IMMP2L: variants seen among roughly 807,000 people sequenced by gnomAD.
IMMP2L encodes mitochondrial inner membrane protease subunit 2.
A neutral mutation model predicts 19.3 loss-of-function variants in IMMP2L; 18 were observed. The observed-to-expected ratio is 0.93, with a 90% confidence interval of 0.64 to 1.38. The LOEUF is 1.38. IMMP2L is among the 40% of genes most tolerant of loss of function. The pLI is 0.00. For synonymous variants in IMMP2L, 76 were observed against 73.0 expected, an observed-to-expected ratio of 1.04 and a Z score of -0.21; for missense variants, 233 against 218.2, an observed-to-expected ratio of 1.07 and a Z score of -0.43.
intron 2 of IMMP2L, 102 bp downstream of exon 2, chr7:111,521,211 C>T (rs1484733835): frequency 1.6e-6 from 2 of 1,271,892 alleles, no homozygotes; most frequent in Non-Finnish European, 2.2e-6. Flanking sequence ...TTTTTATAAC[C>T]TTTCAGTTCC....
intron 5 of IMMP2L, among the ~76,000 whole-genome samples, chr7:110,681,833 A>C (rs1219218565): frequency 6.6e-6 from 1 of 152,100 alleles, no homozygotes; most frequent in Non-Finnish European, 1.5e-5. Context: ...TGAGTAATTC[A>C]AGCCATTGAA....
chr7:111,334,322 T>C (rs1826182468), intron 3 of IMMP2L, among the ~76,000 whole-genome samples: 1 of 152,054 alleles, frequency 6.6e-6, no homozygotes, highest in South Asian at 2.1e-4. Flanking sequence ...TATATTTGCC[T>C]TTCTGTGCTT....
intron 5 of IMMP2L, among the ~76,000 whole-genome samples, chr7:110,805,636 A>G (rs1801582096): frequency 6.6e-6 from 1 of 152,044 alleles, no homozygotes; most frequent in African/African-American, 2.4e-5. Context: ...TTTATGAGCA[A>G]TTGTGTCAAG....
chr7:111,372,326 T>C (rs555864122), intron 3 of IMMP2L, among the ~76,000 whole-genome samples: 23 of 152,146 alleles, frequency 1.5e-4, no homozygotes, highest in African/African-American at 5.3e-4. Context: ...AAGAAAACTT[T>C]GGAATAATAC....
Position 111,372,772 on chromosome 7 carries a change from A to T in IMMP2L, c.239+114466T>A, listed in dbSNP as rs117650557. Among the ~76,000 whole-genome samples, 1,322 of 152,200 alleles carry T rather than the reference A, an allele frequency of 8.7e-3. 9 individuals carry two copies. The highest frequency in any genetic ancestry group is 0.014 in the Middle Eastern group (4 of 294). ...AACATAATGTATGAGCAAGGATGATAAGAAACACTAGTTTTGCACTAGCAA... is the reference window on the plus strand; with the variant it reads ...AACATAATGTATGAGCAAGGATGATTAGAAACACTAGTTTTGCACTAGCAA... On this transcript the variant is annotated intron_variant, in intron 3 of 5. Coordinates refer to ENST00000405709, the MANE Select transcript of IMMP2L (RefSeq NM_032549.4).
intron 3 of IMMP2L, chr7:111,392,142 AC>A (rs1832419705): frequency 1.6e-6 from 1 of 607,992 alleles, no homozygotes; most frequent in Non-Finnish European, 2.9e-6. Flanking sequence ...ACAACAACAT[AC>A]TTTTAGCCCC....
At chr7:110,957,117 A>T (rs1337985952) in intron 4 of IMMP2L, among the ~76,000 whole-genome samples, 2 of 151,964 alleles carry the variant, frequency 1.3e-5, no homozygotes, top group African/African-American at 4.8e-5. Context: ...TAGCTATGAG[A>T]TCCAGAGAAT....
chr7:110,965,201 C>A (rs1437525601), intron 3 of IMMP2L, among the ~76,000 whole-genome samples: 1 of 151,972 alleles, frequency 6.6e-6, no homozygotes, highest in Admixed American at 6.6e-5. Context: ...ATGCATCACA[C>A]AAATGATCAT....
At chr7:110,938,946 A>T (rs2129552720) in intron 4 of IMMP2L, among the ~76,000 whole-genome samples, 1 of 152,282 alleles carries the variant, frequency 6.6e-6, no homozygotes, top group East Asian at 1.9e-4. Flanking sequence ...AATAGTACAG[A>T]TTCTGCAACT....
intron 1 of IMMP2L, among the ~76,000 whole-genome samples, chr7:111,533,995 A>G (rs747071498): frequency 1.1e-4 from 17 of 152,060 alleles, no homozygotes; most frequent in Admixed American, 3.9e-4. Flanking sequence ...AGAGAAAGGT[A>G]TTTCACTGAA....
intron 3 of IMMP2L, among the ~76,000 whole-genome samples, chr7:111,040,292 T>C (rs1258039245): frequency 6.6e-6 from 1 of 152,242 alleles, no homozygotes; most frequent in African/African-American, 2.4e-5. Context: ...CTAAATTCTT[T>C]AAATAGATAT....
At chr7:110,774,101 C>A (rs1799223041) in intron 5 of IMMP2L, among the ~76,000 whole-genome samples, 1 of 151,974 alleles carries the variant, frequency 6.6e-6, no homozygotes, top group Non-Finnish European at 1.5e-5. Context: ...AAGGGTGCCA[C>A]ATTAAAATAT....
At chr7:110,874,804 T>G (rs1238958172) in intron 5 of IMMP2L, among the ~76,000 whole-genome samples, 1 of 152,086 alleles carries the variant, frequency 6.6e-6, no homozygotes, top group Non-Finnish European at 1.5e-5. Context: ...AAAAAATATA[T>G]TGACTCACAG....
chr7:110,834,891 G>C (rs1804298364), intron 5 of IMMP2L, among the ~76,000 whole-genome samples: 1 of 152,074 alleles, frequency 6.6e-6, no homozygotes, highest in African/African-American at 2.4e-5. Context: ...TCATGAAATA[G>C]GTGCTTTTTC....
intron 3 of IMMP2L, among the ~76,000 whole-genome samples, chr7:110,970,468 G>T (rs1820033712): frequency 6.6e-6 from 1 of 152,116 alleles, no homozygotes; most frequent in African/African-American, 2.4e-5. Flanking sequence ...TGGAGTTATG[G>T]CTTTTAAAGG....
chr7:111,342,459 G>A (rs1827116154), intron 3 of IMMP2L, among the ~76,000 whole-genome samples: 1 of 151,890 alleles, frequency 6.6e-6, no homozygotes. Flanking sequence ...GGGCGTGGTG[G>A]CACGTGCCTG....
rs145936535 is a variant in IMMP2L at position 111,134,445 on chromosome 7, A to G, written c.240-170880T>C. ...TTATCATTGTGCCCTCCTAAGAAGC[A>G]AAGTTTTATTAATATTATCTAAGAT... On this transcript the variant is annotated intron_variant, in intron 3 of 5. Transcript: ENST00000405709. Among the ~76,000 whole-genome samples, 163 of 152,058 alleles carry G rather than the reference A, an allele frequency of 1.1e-3. 2 individuals carry two copies. The highest frequency in any genetic ancestry group is 3.7e-3 in the African/African-American group (154 of 41,468).
intron 5 of IMMP2L, among the ~76,000 whole-genome samples, chr7:110,667,249 T>A (rs915541346): frequency 6.6e-6 from 1 of 152,256 alleles, no homozygotes; most frequent in African/African-American, 2.4e-5. Flanking sequence ...TTTCTATTTA[T>A]ACTCAATTTT....
Position 111,219,699 on chromosome 7 carries a change from T to G in IMMP2L, c.240-256134A>C, listed in dbSNP as rs563777141. 2.6e-5 allele frequency among the ~76,000 whole-genome samples: 4 copies of G among 152,144 alleles called. No homozygotes were observed. The East Asian group carries it at 7.7e-4, about 29-fold the overall frequency. ...GTATTCTATGATCTCAAATCACTGT[T>G]TGGTTGAATCAAATTCAACTGCAAT... On this transcript the variant is annotated intron_variant, in intron 3 of 5. Transcript: ENST00000405709.
Sources: gnomAD v4.1 joint callset for allele counts (sites outside exome capture counted in the v4.1 genomes callset) on GRCh38, gnomAD v4.1.1 for gene constraint, MANE v1.5 for transcripts, NCBI Gene and HGNC (gene_info 2026-07-23, HGNC 2026-07-21) for gene names.